TAMM41: variants seen among roughly 807,000 people sequenced by gnomAD.
The protein encoded by TAMM41 is phosphatidate cytidylyltransferase, mitochondrial.
A neutral mutation model predicts 44.1 loss-of-function variants in TAMM41; 36 were observed. The observed-to-expected ratio is 0.82, with a 90% CI of 0.63 to 1.08. The LOEUF (loss-of-function observed/expected upper bound fraction) is 1.08, where lower values mean the gene tolerates loss of function less well. Among genes scored for constraint, TAMM41 ranks in the 50% least tolerant of loss-of-function variants. The pLI, the probability that TAMM41 is intolerant of heterozygous loss-of-function variation, is 0.00. For missense variants in TAMM41, 417 were observed against 404.3 expected (o/e 1.03, Z -0.27); for synonymous variants, 164 against 153.1 (o/e 1.07, Z -0.53).
chr3:11,800,249 G>T (rs558776852), intron 7 of TAMM41, among the ~76,000 whole-genome samples: 2 of 151,938 alleles, frequency 1.3e-5, no homozygotes, highest in South Asian at 4.2e-4. Context: ...GAAAAAGAAA[G>T]AAAACAAAGA....
At chr3:11,788,959 G>GA (rs368024143), downstream of TAMM41, among the ~76,000 whole-genome samples, 13 of 150,386 alleles carry the variant, frequency 8.6e-5, no homozygotes, top group African/African-American at 2.7e-4. Flanking sequence ...AAAGAAAAAA[G>GA]AAAAAAAAGA....
chr3:11,767,569 C>A, the TAMM41 span, among the ~76,000 whole-genome samples: 1 of 150,012 alleles, frequency 6.7e-6, no homozygotes, highest in Non-Finnish European at 1.5e-5. Context: ...ATGTTACATT[C>A]CCACCAGCAA....
At chr3:11,808,454 A>G in intron 6 of TAMM41, 2 of 986,486 alleles carry the variant, frequency 2.0e-6, no homozygotes, top group Non-Finnish European at 2.4e-6. Context: ...CACTCTGCAA[A>G]CCTAGTGCAG....
At chr3:11,799,556 G>C (rs903100695) in intron 7 of TAMM41, among the ~76,000 whole-genome samples, 1 of 152,210 alleles carries the variant, frequency 6.6e-6, no homozygotes, top group Non-Finnish European at 1.5e-5. Flanking sequence ...TGTCACCTCA[G>C]TGTGAGGTAA....
At chr3:11,736,400 C>T in the TAMM41 span, among the ~76,000 whole-genome samples, 1 of 152,202 alleles carries the variant, frequency 6.6e-6, no homozygotes, top group Non-Finnish European at 1.5e-5. Context: ...GATAAATACT[C>T]TGTTTTCTGA....
downstream of TAMM41, among the ~76,000 whole-genome samples, chr3:11,786,074 T>A (rs1271096968): frequency 6.6e-6 from 1 of 152,078 alleles, no homozygotes; most frequent in African/African-American, 2.4e-5. Context: ...TTAATCTTTT[T>A]GAGAGACAGA....
intron 7 of TAMM41, among the ~76,000 whole-genome samples, chr3:11,791,233 A>G (rs2077471001): frequency 6.6e-6 from 1 of 152,172 alleles, no homozygotes; most frequent in Non-Finnish European, 1.5e-5. Flanking sequence ...CTAGTACAGG[A>G]CCCAGAACAC....
At chr3:11,724,023 A>G in the TAMM41 span, among the ~76,000 whole-genome samples, 2 of 151,994 alleles carry the variant, frequency 1.3e-5, no homozygotes, top group Non-Finnish European at 1.5e-5. Context: ...ACACTACTCT[A>G]TCTGCTCTTA....
the TAMM41 span, among the ~76,000 whole-genome samples, chr3:11,752,064 T>G: frequency 1.3e-5 from 2 of 152,094 alleles, no homozygotes; most frequent in Non-Finnish European, 2.9e-5. Context: ...AACAAGGTCA[T>G]TGTGTGTCCG....
chr3:11,832,953 A>G (rs1056642135), intron 3 of TAMM41: 1 of 999,280 alleles, frequency 1.0e-6, no homozygotes, highest in African/African-American at 1.7e-5. Context: ...GTAAGAAAGC[A>G]GTCTGTTTGC....
chr3:11,752,625 CTTTTTTTTTT>C, the TAMM41 span, among the ~76,000 whole-genome samples: 36 of 39,946 alleles, frequency 9.0e-4, no homozygotes, highest in African/African-American at 2.0e-3. Flanking sequence ...TCTTACAAAG[CTTTTTTTTTT>C]TTTTTTTTTT....
Position 11,820,660 on chromosome 3 carries a change from C to G in TAMM41, c.563-3323G>C, listed in dbSNP as rs1575664130. Among the ~76,000 whole-genome samples, 4 of 152,252 alleles carry G rather than the reference C, an allele frequency of 2.6e-5. No individual in the cohort carries two copies. The Middle Eastern group carries it at 0.014, about 518-fold the overall frequency. On this transcript the variant is annotated intron_variant, in intron 4 of 7. Coordinates refer to ENST00000455809, the MANE Select transcript of TAMM41 (RefSeq NM_001284401.2). ...GGGCTTATGACTCATTTCTTCAGAA[C>G]AAAATGAATAACATCATGGGCACAG... is the stretch of plus-strand genomic sequence containing the variant.
chr3:11,845,496 GAC>G (rs1043342877), intron 1 of TAMM41, among the ~76,000 whole-genome samples: 1 of 152,194 alleles, frequency 6.6e-6, no homozygotes, highest in Non-Finnish European at 1.5e-5. Flanking sequence ...GACCACTGGG[GAC>G]ACTTGAGATT....
the TAMM41 span, among the ~76,000 whole-genome samples, chr3:11,782,207 C>T: frequency 2.6e-5 from 4 of 152,158 alleles, no homozygotes; most frequent in African/African-American, 9.7e-5. Flanking sequence ...CACTATGGGG[C>T]TAAATTAACC....
chr3:11,737,323 T>TATTATC, the TAMM41 span, among the ~76,000 whole-genome samples: 4 of 132,636 alleles, frequency 3.0e-5, no homozygotes, highest in Non-Finnish European at 6.5e-5. Flanking sequence ...TTATTATTAT[T>TATTATC]ATCATTATTA....
the TAMM41 span, among the ~76,000 whole-genome samples, chr3:11,754,958 C>A: frequency 6.6e-6 from 1 of 152,090 alleles, no homozygotes; most frequent in African/African-American, 2.4e-5. Context: ...CCTCGGCCTC[C>A]CAAAGTGCTG....
rs1315809999 is a variant in TAMM41, at chr3:11,807,832, C to G, written c.937+1G>C. On this transcript the variant is annotated splice_donor_variant, in intron 7 of 7. Transcript: ENST00000455809. LOFTEE classifies it high-confidence loss of function. The stretch of plus-strand genomic sequence containing the variant: ...TACACACGGATTTCCAAAGCTCTTA[C>G]CAGCAGTAAAAATGCCTTTCGTGCT... The G allele has an allele frequency of 6.5e-7, 1 of 1,536,038 alleles. No individual in the cohort carries two copies. The highest frequency in any genetic ancestry group is 1.4e-5 in the African/African-American group (1 of 73,038).
chr3:11,763,857 T>G, the TAMM41 span, among the ~76,000 whole-genome samples: 1 of 152,348 alleles, frequency 6.6e-6, no homozygotes, highest in South Asian at 2.1e-4. Flanking sequence ...AATACATCAC[T>G]GCTATACACT....
chr3:11,794,427 T>G (rs2077558014), intron 7 of TAMM41, among the ~76,000 whole-genome samples: 1 of 152,114 alleles, frequency 6.6e-6, no homozygotes, highest in Admixed American at 6.6e-5. Context: ...TGTGAGCCTC[T>G]GTGCCCAGAT....
Sources: allele counts gnomAD v4.1 joint callset (sites outside exome capture counted in the v4.1 genomes callset), GRCh38; gene constraint gnomAD v4.1.1; transcripts MANE v1.5; gene names NCBI Gene and HGNC (gene_info 2026-07-23, HGNC 2026-07-21).